MYH15: variants seen among roughly 807,000 people sequenced by gnomAD.
MYH15 encodes myosin heavy chain 15.
MYH15 carries 227 observed loss-of-function variants against 240.5 expected under a neutral mutation model. The observed-to-expected ratio is 0.94, with a 90% CI of 0.85 to 1.05. The LOEUF is 1.05. Ranked by LOEUF, MYH15 falls within the 50% of genes least tolerant of loss-of-function variation. The pLI is 0.00. For missense variants in MYH15, 2,217 were observed against 2,247.5 expected, an observed-to-expected ratio of 0.99 and a Z score of 0.27; for synonymous variants, 785 against 796.7, an observed-to-expected ratio of 0.99 and a Z score of 0.25.
intron 10 of MYH15, among the ~76,000 whole-genome samples, 157 bp from the exon 11 acceptor site, chr3:108,485,386 C>G (rs1279923049): frequency 6.6e-6 from 1 of 152,188 alleles, no homozygotes; most frequent in Non-Finnish European, 1.5e-5. Context: ...GGCACTTGGT[C>G]ACCCGCAGTC....
chr3:108,412,947 T>C (rs2082605855), intron 30 of MYH15, among the ~76,000 whole-genome samples: 1 of 152,234 alleles, frequency 6.6e-6, no homozygotes, highest in Non-Finnish European at 1.5e-5. Context: ...GTCCCACCAA[T>C]TTGAAAGTAA....
chr3:108,460,194 G>C lies in MYH15; in HGVS notation c.1932+106C>G, dbSNP rs2083058958. 1.1e-5 allele frequency: 11 copies of C among 1,000,512 alleles called. No homozygotes were observed. The South Asian group carries it at 2.2e-4, about 20-fold the overall frequency. 62.0% of individuals were successfully genotyped at this position (1,000,512 alleles called of 1,614,324 possible). On this transcript the variant is annotated intron_variant, in intron 17 of 40. Coordinates refer to ENST00000693548, the MANE Select transcript of MYH15 (RefSeq NM_014981.3). ...AAACTTCAACTTTTCCAACTTGCTA[G>C]CTCCTGATACTTTATCCTTATTTGA...
chr3:108,507,271 AT>A (rs2107248189), intron 1 of MYH15, among the ~76,000 whole-genome samples: 2 of 106,074 alleles, frequency 1.9e-5, no homozygotes, highest in South Asian at 2.8e-4. Context: ...ATATATATAT[AT>A]ATATACACAT....
intron 33 of MYH15, among the ~76,000 whole-genome samples, chr3:108,399,652 CGTA>C (rs2082489435): frequency 2.0e-5 from 3 of 152,056 alleles, no homozygotes; most frequent in Admixed American, 2.0e-4. Flanking sequence ...TTCAGACAGC[CGTA>C]ATATTTCAAC....
intron 25 of MYH15, among the ~76,000 whole-genome samples, chr3:108,433,421 G>A (rs371373565): frequency 4.6e-5 from 7 of 152,184 alleles, no homozygotes; most frequent in Non-Finnish European, 1.0e-4. Flanking sequence ...AGTTAAAGCC[G>A]AAATGAGTTA....
At chr3:108,500,073 T>G (rs762101155) in intron 4 of MYH15, 45 bp downstream of exon 4, 1 of 1,586,196 alleles carries the variant, frequency 6.3e-7, no homozygotes, top group Admixed American at 1.8e-5. Flanking sequence ...AGAGAAAAAG[T>G]AGATCAGATA....
chr3:108,500,296 T>A (rs2083426311), intron 3 of MYH15, 22 bp from the exon 4 acceptor site: 1 of 1,590,832 alleles, frequency 6.3e-7, no homozygotes, highest in Non-Finnish European at 8.6e-7. Context: ...TCAGAAAAGA[T>A]TTCAGAAACT....
chr3:108,393,993 C>G (rs2082439975), intron 36 of MYH15, 38 bp downstream of exon 36: 1 of 1,612,512 alleles, frequency 6.2e-7, no homozygotes. Flanking sequence ...CCAGTGAACT[C>G]TGGGAGACAG....
chr3:108,451,273 A>G (rs1411011501), intron 21 of MYH15, among the ~76,000 whole-genome samples: 1 of 152,090 alleles, frequency 6.6e-6, no homozygotes. Context: ...CCAGCTGCTC[A>G]GGAGGCTGAA....
At chr3:108,491,162 A>G (rs1350964730) in intron 9 of MYH15, among the ~76,000 whole-genome samples, 2 of 152,158 alleles carry the variant, frequency 1.3e-5, no homozygotes, top group East Asian at 3.9e-4. Flanking sequence ...TGCTGGGATT[A>G]CAGGTAGGAG....
At chr3:108,459,952 C>G (rs2083057169) in intron 17 of MYH15, among the ~76,000 whole-genome samples, 1 of 152,132 alleles carries the variant, frequency 6.6e-6, no homozygotes, top group Non-Finnish European at 1.5e-5. Context: ...GCACCAATTG[C>G]AGCATAGGTG....
chr3:108,462,144 C>G (rs1256381632), intron 16 of MYH15, among the ~76,000 whole-genome samples: 1 of 152,118 alleles, frequency 6.6e-6, no homozygotes, highest in East Asian at 1.9e-4. Context: ...CAGAGGCTGT[C>G]GATCTGTGAC....
chr3:108,483,898 C>T (rs536311756), intron 11 of MYH15, among the ~76,000 whole-genome samples: 55 of 152,182 alleles, frequency 3.6e-4, no homozygotes, highest in African/African-American at 1.3e-3. Context: ...GAAGGTAAAA[C>T]AGTGGTTACC....
chr3:108,409,979 C>T (rs115961723), intron 31 of MYH15, among the ~76,000 whole-genome samples: 3 of 152,254 alleles, frequency 2.0e-5, no homozygotes, highest in African/African-American at 4.8e-5. Context: ...CCACAAGGTA[C>T]GTGGGAAGGT....
intron 23 of MYH15, among the ~76,000 whole-genome samples, 174 bp downstream of exon 23, chr3:108,440,844 G>T (rs1355938340): frequency 6.6e-6 from 1 of 152,102 alleles, no homozygotes; most frequent in Non-Finnish European, 1.5e-5. Flanking sequence ...ATCTGAATTG[G>T]GACAGCATAG....
In MYH15 at chr3:108,398,431, C is replaced by T. The variant is rs76087132; in HGVS notation, c.5133+206G>A. Among the ~76,000 whole-genome samples, 434 of 152,306 alleles carry T rather than the reference C, an allele frequency of 2.8e-3. 1 individual carries two copies. Among genetic ancestry groups the T allele is most frequent in the African/African-American group, 9.9e-3 (413 of 41,556 alleles). On this transcript the variant is annotated intron_variant, in intron 35 of 40. Transcript: ENST00000693548. ...GAGAAAATAAACTTCCGTTGCTTTA[C>T]GCCACCCTGTTTGTGGTACTTTGTT...
intron 28 of MYH15, among the ~76,000 whole-genome samples, chr3:108,418,994 C>G (rs751876606): frequency 6.6e-6 from 1 of 152,150 alleles, no homozygotes; most frequent in African/African-American, 2.4e-5. Context: ...CTCAAGTGAT[C>G]CGCCTACCTC....
chr3:108,501,955 T>C lies in MYH15; in HGVS notation c.196-100A>G, dbSNP rs1055939274. ...AATATTCAGACTCAAAAAGAAAAAA[T>C]GATGCCTCATTAGGGGATGGGGCCA... On this transcript the variant is annotated intron_variant, in intron 2 of 40. Transcript: ENST00000693548. The C allele has an allele frequency of 2.1e-5, 27 of 1,302,046 alleles. No homozygotes were observed. In the African/African-American group the frequency reaches 3.8e-4, roughly 18 times the overall value. 80.7% of individuals were successfully genotyped at this position (1,302,046 alleles called of 1,614,324 possible).
At chr3:108,488,930 A>T (rs1474865351) in intron 9 of MYH15, among the ~76,000 whole-genome samples, 1 of 152,136 alleles carries the variant, frequency 6.6e-6, no homozygotes. Flanking sequence ...TTTTCTTCAC[A>T]TCTTTGCCAA....
Sources: allele counts gnomAD v4.1 joint callset (sites outside exome capture counted in the v4.1 genomes callset), GRCh38; gene constraint gnomAD v4.1.1; transcripts MANE v1.5; gene names NCBI Gene and HGNC (gene_info 2026-07-23, HGNC 2026-07-21).